The following TMEM108 variants were observed in gnomAD, a reference collection of about 807,000 sequenced individuals.
The protein encoded by TMEM108 is cancer/testis antigen 124.
TMEM108 carries 12 observed loss-of-function variants against 35.1 expected under a neutral mutation model. The ratio of observed to expected loss-of-function variants is 0.34; its 90% CI spans 0.22 to 0.55. The LOEUF is 0.55. Ranked by LOEUF, TMEM108 falls within the 20% of genes least tolerant of loss-of-function variation. TMEM108 has a pLI of 0.89. For missense variants in TMEM108, 680 were observed against 753.3 expected (o/e 0.90, Z 1.14); for synonymous variants, 287 against 308.6 (o/e 0.93, Z 0.73).
intron 4 of TMEM108, chr3:133,386,772 C>A: frequency 9.1e-7 from 1 of 1,095,632 alleles, no homozygotes; most frequent in Non-Finnish European, 1.1e-6. Context: ...ATCTCTATAC[C>A]CTCCGGTGTT....
chr3:133,235,096 T>G (rs1946214016), intron 3 of TMEM108, among the ~76,000 whole-genome samples: 3 of 151,952 alleles, frequency 2.0e-5, no homozygotes, highest in African/African-American at 7.3e-5. Flanking sequence ...CTCAATGAAA[T>G]AAAAGAGGAT....
At position 133,266,843 on chromosome 3, in the gene TMEM108, C is replaced by T. The variant is rs192150870; in HGVS notation, c.40+37492C>T. On this transcript the variant is annotated intron_variant, in intron 3 of 5. Coordinates refer to ENST00000321871, the MANE Select transcript of TMEM108 (RefSeq NM_023943.4). ...ATCCCAGCACTTTGGGAGGCTGAGG[C>T]GGGTGGATCACAAGGTCAGGAGATC... Among the ~76,000 whole-genome samples the T allele has an allele frequency of 2.1e-3, 298 of 144,066 alleles. 2 individuals carry two copies. Among genetic ancestry groups the T allele is most frequent in the African/African-American group, 7.1e-3 (274 of 38,506 alleles). 94.5% of individuals were successfully genotyped at this position (144,066 alleles called of 152,430 possible).
intron 2 of TMEM108, among the ~76,000 whole-genome samples, chr3:133,214,367 T>C (rs1361379142): frequency 6.6e-6 from 1 of 152,124 alleles, no homozygotes; most frequent in African/African-American, 2.4e-5. Flanking sequence ...ATCTGTGATG[T>C]TAGTCACTTC....
In TMEM108 at chr3:133,300,997, C is replaced by CGT. The variant is rs1367783223; in HGVS notation, c.40+71646_40+71647insGT. Among the ~76,000 whole-genome samples the CGT allele has an allele frequency of 4.0e-3, 253 of 63,448 alleles. 6 individuals carry two copies. Among genetic ancestry groups the CGT allele is most frequent in the African/African-American group, 0.011 (242 of 22,440 alleles). The allele number at this position is 63,448 out of a possible 152,430, so 41.6% of individuals were successfully genotyped here. A position where few individuals can be genotyped will look rare whatever the true frequency, so the allele number is the denominator to read the frequency against. On this transcript the variant is annotated intron_variant, in intron 3 of 5. Transcript: ENST00000321871. ...CAGTACACACACACACACACACACA[C>CGT]ACACACACACACACACACACACACA...
At chr3:133,315,483 C>A (rs562687207) in intron 3 of TMEM108, among the ~76,000 whole-genome samples, 1 of 152,328 alleles carries the variant, frequency 6.6e-6, no homozygotes, top group South Asian at 2.1e-4. Flanking sequence ...GGCCCCTCAC[C>A]CCAGCCCCCA....
At chr3:133,297,496 T>C (rs1045087268) in intron 3 of TMEM108, among the ~76,000 whole-genome samples, 1 of 152,108 alleles carries the variant, frequency 6.6e-6, no homozygotes, top group Non-Finnish European at 1.5e-5. Context: ...AAACATGATC[T>C]AGATGATTTC....
chr3:133,135,630 T>C (rs1336404757), intron 2 of TMEM108, among the ~76,000 whole-genome samples: 1 of 152,144 alleles, frequency 6.6e-6, no homozygotes, highest in African/African-American at 2.4e-5. Flanking sequence ...GTAAACTGTG[T>C]GACTGCATGG....
chr3:133,144,584 T>C (rs1342568301), intron 2 of TMEM108, among the ~76,000 whole-genome samples: 3 of 152,160 alleles, frequency 2.0e-5, no homozygotes, highest in African/African-American at 7.2e-5. Flanking sequence ...TTTACAGTCC[T>C]ACCAACAGTG....
chr3:133,268,645 C>A (rs1231595790), intron 3 of TMEM108, among the ~76,000 whole-genome samples: 1 of 152,194 alleles, frequency 6.6e-6, no homozygotes, highest in East Asian at 1.9e-4. Flanking sequence ...GAAGGGCTTT[C>A]TCTGTTATTA....
intron 2 of TMEM108, among the ~76,000 whole-genome samples, chr3:133,050,029 T>C (rs2107674249): frequency 6.6e-6 from 1 of 152,296 alleles, no homozygotes; most frequent in Non-Finnish European, 1.5e-5. Flanking sequence ...TGATATTATG[T>C]ATTAATATTA....
At chr3:133,245,717 C>T (rs1442968135) in intron 3 of TMEM108, among the ~76,000 whole-genome samples, 8 of 152,114 alleles carry the variant, frequency 5.3e-5, no homozygotes, top group Admixed American at 5.2e-4. Flanking sequence ...CTCAAGTGGT[C>T]CATATTGTTG....
chr3:133,287,016 A>G (rs1946994844), intron 3 of TMEM108, among the ~76,000 whole-genome samples: 1 of 152,124 alleles, frequency 6.6e-6, no homozygotes, highest in Non-Finnish European at 1.5e-5. Context: ...TCCGCTTCCA[A>G]CAGTTGAATC....
chr3:133,235,105 A>T (rs1447289576), intron 3 of TMEM108, among the ~76,000 whole-genome samples: 1 of 152,170 alleles, frequency 6.6e-6, no homozygotes, highest in East Asian at 1.9e-4. Flanking sequence ...ATAAAAGAGG[A>T]TACAAACAAA....
intron 2 of TMEM108, among the ~76,000 whole-genome samples, chr3:133,154,635 C>T (rs2107771486): frequency 6.6e-6 from 1 of 152,098 alleles, no homozygotes; most frequent in East Asian, 1.9e-4. Context: ...ACCGCATGTT[C>T]TCACTCATAG....
chr3:133,369,514 C>T (rs1407107583), intron 3 of TMEM108, among the ~76,000 whole-genome samples: 2 of 152,166 alleles, frequency 1.3e-5, no homozygotes, highest in Admixed American at 6.5e-5. Context: ...TTTACCCTGA[C>T]TCCGCAGTTG....
chr3:133,389,487 C>T (rs1459971322), intron 4 of TMEM108: 1 of 723,552 alleles, frequency 1.4e-6, no homozygotes, highest in East Asian at 1.3e-4. Context: ...AGTTCGAGAC[C>T]AGCCTAACCA....
At chr3:133,301,828 C>G (rs1947229482) in intron 3 of TMEM108, among the ~76,000 whole-genome samples, 1 of 152,126 alleles carries the variant, frequency 6.6e-6, no homozygotes, top group South Asian at 2.1e-4. Flanking sequence ...ATGGTTTAAG[C>G]TTTACATTAT....
intron 3 of TMEM108, among the ~76,000 whole-genome samples, chr3:133,375,481 C>T (rs1352163786): frequency 6.6e-6 from 1 of 152,180 alleles, no homozygotes; most frequent in East Asian, 1.9e-4. Context: ...TTATGCAAAT[C>T]CATGCAAATA....
At chr3:133,331,089 C>G (rs1448670400) in intron 3 of TMEM108, among the ~76,000 whole-genome samples, 1 of 152,058 alleles carries the variant, frequency 6.6e-6, no homozygotes, top group Non-Finnish European at 1.5e-5. Flanking sequence ...TAGAGGTTTA[C>G]TTAAACCTCT....
Sources: allele counts gnomAD v4.1 joint callset (sites outside exome capture counted in the v4.1 genomes callset), GRCh38; gene constraint gnomAD v4.1.1; transcripts MANE v1.5; gene names NCBI Gene and HGNC (gene_info 2026-07-23, HGNC 2026-07-21).